TMTC2: variants seen among roughly 807,000 people sequenced by gnomAD.
TMTC2 encodes the protein protein O-mannosyl-transferase TMTC2.
In TMTC2, 43 loss-of-function variants were observed where a neutral mutation model predicts 82.4. The ratio of observed to expected loss-of-function variants is 0.52; its 90% CI spans 0.41 to 0.67. TMTC2 has a LOEUF of 0.67. Ranked by LOEUF, TMTC2 falls within the 30% of genes least tolerant of loss-of-function variation. The pLI is 0.00. For synonymous variants in TMTC2, 408 were observed against 381.9 expected (o/e 1.07, Z -0.80); for missense variants, 919 against 1,012.4 (o/e 0.91, Z 1.25).
At chr12:83,009,457 A>G (rs1880354948) in intron 8 of TMTC2, among the ~76,000 whole-genome samples, 1 of 146,816 alleles carries the variant, frequency 6.8e-6, no homozygotes, top group Middle Eastern at 3.2e-3. Context: ...CTGCGTCAGA[A>G]AAGCAGGTCT....
intron 3 of TMTC2, among the ~76,000 whole-genome samples, chr12:82,905,418 ATTGT>A (rs1874240854): frequency 6.6e-6 from 1 of 152,240 alleles, no homozygotes; most frequent in African/African-American, 2.4e-5. Context: ...ATGGTGGTTA[ATTGT>A]TTGAAAGCAA....
rs12298526 is a variant in TMTC2, at chr12:82,758,603, A to G, written c.83+70934A>G. The G allele has an allele frequency of 4.2e-3, 638 of 152,300 alleles. 4 individuals are homozygous for G. Among genetic ancestry groups the G allele is most frequent in the African/African-American group, 0.015 (605 of 41,570 alleles). The allele number at this position is 152,300 out of a possible 1,614,324, so 9.4% of individuals were successfully genotyped here. A position where few individuals can be genotyped will look rare whatever the true frequency, so the allele number is the denominator to read the frequency against. ...TAAATTTTGTAAAATTATTCACAAA[A>G]GCACTTATTTTGTAAGTGTAGTGTA... On this transcript the variant is annotated intron_variant, in intron 1 of 11. Transcript: ENST00000321196.
intron 11 of TMTC2, among the ~76,000 whole-genome samples, chr12:83,079,471 G>T (rs1434573466): frequency 6.6e-6 from 1 of 151,998 alleles, no homozygotes; most frequent in Non-Finnish European, 1.5e-5. Flanking sequence ...TTTCTCAACA[G>T]AGTTCAAGTA....
At chr12:83,130,722 G>T (rs1342760229) in intron 11 of TMTC2, among the ~76,000 whole-genome samples, 1 of 152,154 alleles carries the variant, frequency 6.6e-6, no homozygotes, top group Non-Finnish European at 1.5e-5. Context: ...AAAATTGATC[G>T]TGATATTTGT....
chr12:82,927,907 A>C (rs1875816754), intron 3 of TMTC2, among the ~76,000 whole-genome samples: 1 of 152,200 alleles, frequency 6.6e-6, no homozygotes, highest in Non-Finnish European at 1.5e-5. Context: ...TATTGTGTAA[A>C]TATAACTTTT....
chr12:83,061,375 T>C (rs1484933046), intron 10 of TMTC2, among the ~76,000 whole-genome samples: 1 of 151,824 alleles, frequency 6.6e-6, no homozygotes, highest in Non-Finnish European at 1.5e-5. Context: ...CTTTACTGTT[T>C]TTATAAAACG....
intron 1 of TMTC2, among the ~76,000 whole-genome samples, chr12:82,735,941 G>C (rs991055108): frequency 6.6e-6 from 1 of 151,298 alleles, no homozygotes; most frequent in Admixed American, 6.6e-5. Context: ...CCATTGCACT[G>C]CAGCCCAGGT....
intron 11 of TMTC2, among the ~76,000 whole-genome samples, chr12:83,089,104 C>A (rs922375709): frequency 1.3e-5 from 2 of 152,164 alleles, no homozygotes; most frequent in African/African-American, 4.8e-5. Context: ...AAAGACCTTG[C>A]TGCAGAACAC....
At chr12:83,124,789 T>TA (rs543524745) in intron 11 of TMTC2, among the ~76,000 whole-genome samples, 223 of 152,190 alleles carry the variant, frequency 1.5e-3, no homozygotes, top group African/African-American at 5.0e-3. Flanking sequence ...TCTATAGTCA[T>TA]AAATCAAAAC....
intron 1 of TMTC2, among the ~76,000 whole-genome samples, chr12:82,779,669 C>G (rs748709382): frequency 2.5e-4 from 38 of 152,120 alleles, no homozygotes; most frequent in Non-Finnish European, 4.4e-5. Context: ...GAGGCCGAGA[C>G]AGGTGGATCA....
intron 11 of TMTC2, among the ~76,000 whole-genome samples, chr12:83,090,857 A>G (rs979375687): frequency 1.1e-4 from 16 of 152,318 alleles, no homozygotes; most frequent in Middle Eastern, 6.8e-3. Context: ...ATAAATCAAC[A>G]AATACATCCA....
chr12:82,838,872 T>C (rs1445494993), intron 1 of TMTC2, among the ~76,000 whole-genome samples: 1 of 152,028 alleles, frequency 6.6e-6, no homozygotes, highest in Non-Finnish European at 1.5e-5. Context: ...AATGAATTGC[T>C]GATGGATGAT....
At chr12:82,821,235 C>CT (rs539885571) in intron 1 of TMTC2, among the ~76,000 whole-genome samples, 1 of 152,122 alleles carries the variant, frequency 6.6e-6, no homozygotes, top group South Asian at 2.1e-4. Context: ...CTGTTGAAAA[C>CT]TTTTTGAATC....
chr12:82,957,671 G>A (rs1174637610), intron 4 of TMTC2, among the ~76,000 whole-genome samples: 1 of 151,898 alleles, frequency 6.6e-6, no homozygotes, highest in Non-Finnish European at 1.5e-5. Flanking sequence ...TTAGGTTGGT[G>A]CAGAATACAA....
chr12:82,827,732 C>T (rs1310827529), intron 1 of TMTC2, among the ~76,000 whole-genome samples: 1 of 150,678 alleles, frequency 6.6e-6, no homozygotes, highest in South Asian at 2.1e-4. Context: ...GCTCTGTCTG[C>T]TGCCCAGGCT....
chr12:82,916,170 C>T (rs1049533503), intron 3 of TMTC2, among the ~76,000 whole-genome samples: 9 of 152,118 alleles, frequency 5.9e-5, no homozygotes, highest in Non-Finnish European at 1.2e-4. Flanking sequence ...TAAACAGGAC[C>T]ACTATTTATG....
intron 11 of TMTC2, among the ~76,000 whole-genome samples, chr12:83,108,428 A>G (rs1884490589): frequency 1.3e-5 from 2 of 152,098 alleles, no homozygotes; most frequent in Non-Finnish European, 2.9e-5. Context: ...TCAAGAGATC[A>G]AGACCATCCT....
At position 83,025,378 on chromosome 12, in the gene TMTC2, CATAAATGTATTATATATATTTACAT is replaced by C. The variant is rs1280845926; in HGVS notation, c.2071-5402_2071-5378del. Among the ~76,000 whole-genome samples, 7 of 149,996 alleles carry C rather than the reference CATAAATGTATTATATATATTTACAT, an allele frequency of 4.7e-5. No individual in the cohort carries two copies. The East Asian group carries it at 7.8e-4, about 17-fold the overall frequency. On this transcript the variant is annotated intron_variant, in intron 8 of 11. Transcript: ENST00000321196. ...AAAAGTATATATATGTATATTTATA[CATAAATGTATTATATATATTTACAT>C]ATAAATGTATTATATATTTATATTT...
At chr12:82,908,292 C>G (rs1019454806) in intron 3 of TMTC2, among the ~76,000 whole-genome samples, 1 of 152,034 alleles carries the variant, frequency 6.6e-6, no homozygotes, top group African/African-American at 2.4e-5. Context: ...GGACCTTTCC[C>G]TATACTTCTC....
Sources: allele counts gnomAD v4.1 joint callset (sites outside exome capture counted in the v4.1 genomes callset), GRCh38; gene constraint gnomAD v4.1.1; transcripts MANE v1.5; gene names NCBI Gene and HGNC (gene_info 2026-07-23, HGNC 2026-07-21).